DSCAM: variants seen among roughly 807,000 people sequenced by gnomAD.
DSCAM encodes cell adhesion molecule DSCAM.
A neutral mutation model predicts 217.7 loss-of-function variants in DSCAM; 47 were observed. The observed-to-expected ratio is 0.22, with a 90% CI of 0.17 to 0.28. The LOEUF (loss-of-function observed/expected upper bound fraction) is 0.28, where lower values mean the gene tolerates loss of function less well. DSCAM is among the 10% of genes least tolerant of loss of function. DSCAM has a pLI of 1.00. For missense variants in DSCAM, 2,080 were observed against 2,618.3 expected, an observed-to-expected ratio of 0.79 and a Z score of 4.49; for synonymous variants, 1,056 against 1,015.3, an observed-to-expected ratio of 1.04 and a Z score of -0.76.
At chr21:40,576,495 G>A (rs1385100362) in intron 3 of DSCAM, among the ~76,000 whole-genome samples, 1 of 152,100 alleles carries the variant, frequency 6.6e-6, no homozygotes, top group African/African-American at 2.4e-5. Flanking sequence ...GTCAACTTGG[G>A]TGTCTTCCAA....
chr21:40,493,320 A>G (rs763697361), intron 3 of DSCAM, among the ~76,000 whole-genome samples: 137 of 152,332 alleles, frequency 9.0e-4, no homozygotes, highest in Non-Finnish European at 1.5e-3. Flanking sequence ...CCCTTTTACA[A>G]GAAACACTAA....
intron 9 of DSCAM, among the ~76,000 whole-genome samples, chr21:40,309,864 C>T (rs2074118875): frequency 6.6e-6 from 1 of 152,148 alleles, no homozygotes; most frequent in Non-Finnish European, 1.5e-5. Flanking sequence ...CTTTCTAGCC[C>T]AGTCCATTCT....
chr21:40,360,377 G>A (rs978763226), intron 4 of DSCAM, among the ~76,000 whole-genome samples: 21 of 151,872 alleles, frequency 1.4e-4, no homozygotes, highest in Admixed American at 5.9e-4. Context: ...CTTGTGATCC[G>A]CCCATCTAGG....
intron 9 of DSCAM, among the ~76,000 whole-genome samples, chr21:40,303,729 A>G (rs1389978955): frequency 2.0e-5 from 3 of 152,198 alleles, no homozygotes; most frequent in African/African-American, 7.2e-5. Flanking sequence ...TTCTATCAAA[A>G]ATTGGATCAA....
At chr21:40,473,286 G>A (rs1422249619) in intron 3 of DSCAM, among the ~76,000 whole-genome samples, 2 of 152,296 alleles carry the variant, frequency 1.3e-5, no homozygotes, top group East Asian at 3.9e-4. Flanking sequence ...ACCTAGAGGT[G>A]GTTAAGGTTA....
chr21:40,735,733 T>C (rs975737827), intron 1 of DSCAM, among the ~76,000 whole-genome samples: 4 of 152,364 alleles, frequency 2.6e-5, no homozygotes, highest in African/African-American at 9.6e-5. Flanking sequence ...GACAGAGTCA[T>C]GATTCAAACC....
chr21:40,326,347 C>A (rs188788083), intron 8 of DSCAM, among the ~76,000 whole-genome samples: 9 of 152,210 alleles, frequency 5.9e-5, no homozygotes, highest in African/African-American at 2.2e-4. Context: ...GTGGCACTCT[C>A]ATTCCCCTCT....
chr21:40,618,493 G>C (rs1294746962), intron 3 of DSCAM: 1 of 152,238 alleles, frequency 6.6e-6, no homozygotes, highest in African/African-American at 2.4e-5. Flanking sequence ...TTTCATGAGA[G>C]AGAAGCATGA....
intron 3 of DSCAM, among the ~76,000 whole-genome samples, chr21:40,433,905 C>T (rs1430931454): frequency 6.6e-6 from 1 of 152,200 alleles, no homozygotes; most frequent in Non-Finnish European, 1.5e-5. Context: ...GTGATTTCAC[C>T]TGAAGTGGAC....
intron 27 of DSCAM, among the ~76,000 whole-genome samples, chr21:40,070,249 G>A: frequency 7.1e-6 from 1 of 140,856 alleles, no homozygotes; most frequent in Admixed American, 7.0e-5. Context: ...AGGAAGGTAG[G>A]GAAGGAGGGA....
intron 6 of DSCAM, among the ~76,000 whole-genome samples, chr21:40,341,836 G>A (rs577582712): frequency 3.6e-4 from 54 of 151,880 alleles, no homozygotes; most frequent in Non-Finnish European, 6.5e-4. Flanking sequence ...CCTCGTCACT[G>A]TTTTTTTTCC....
chr21:40,200,575 C>T (rs548766548), intron 11 of DSCAM, among the ~76,000 whole-genome samples: 2 of 152,278 alleles, frequency 1.3e-5, no homozygotes, highest in South Asian at 4.1e-4. Context: ...GTGTTGCTTT[C>T]ACCTTTTGGC....
intron 3 of DSCAM, among the ~76,000 whole-genome samples, chr21:40,489,035 A>G: frequency 6.6e-6 from 1 of 152,208 alleles, no homozygotes; most frequent in Non-Finnish European, 1.5e-5. Flanking sequence ...ACCACAACAC[A>G]AAAGTAATGC....
Position 40,637,125 on chromosome 21 carries a change from AT to A in DSCAM, c.508+55684del, listed in dbSNP as rs1568953370. Among the ~76,000 whole-genome samples the A allele has an allele frequency of 1.0e-3, 91 of 88,906 alleles. 15 individuals are homozygous for A. Among genetic ancestry groups the A allele is most frequent in the Middle Eastern group, 0.011 (2 of 184 alleles). The allele number at this position is 88,906 out of a possible 152,430, so 58.3% of individuals were successfully genotyped here. ...TTCTCATTCATATATATATATATAT[AT>A]ATAAATATATAAATATATATATAAA... On this transcript the variant is annotated intron_variant, in intron 3 of 32. Transcript: ENST00000400454.
chr21:40,119,740 C>T (rs898050536), intron 20 of DSCAM, among the ~76,000 whole-genome samples: 1 of 151,110 alleles, frequency 6.6e-6, no homozygotes. Context: ...CTATATGCTA[C>T]AGTGACATGA....
At chr21:40,089,145 C>T (rs1342523324) in intron 21 of DSCAM, among the ~76,000 whole-genome samples, 1 of 152,194 alleles carries the variant, frequency 6.6e-6, no homozygotes, top group African/African-American at 2.4e-5. Flanking sequence ...TCAAGCCCAA[C>T]AACCCCCATG....
chr21:40,419,822 G>A (rs2075405881), intron 3 of DSCAM, among the ~76,000 whole-genome samples: 1 of 151,992 alleles, frequency 6.6e-6, no homozygotes, highest in Non-Finnish European at 1.5e-5. Flanking sequence ...TTGGAACAAG[G>A]AACTGACTAG....
At chr21:40,587,948 G>A (rs754652982) in intron 3 of DSCAM, among the ~76,000 whole-genome samples, 1 of 152,124 alleles carries the variant, frequency 6.6e-6, no homozygotes, top group Non-Finnish European at 1.5e-5. Context: ...GCTACTACTG[G>A]TGCACTGCTG....
chr21:40,447,048 C>A (rs1051851172), intron 3 of DSCAM, among the ~76,000 whole-genome samples: 6 of 152,160 alleles, frequency 3.9e-5, no homozygotes, highest in African/African-American at 7.2e-5. Flanking sequence ...TGTGCTTATT[C>A]TGTCATGCTC....
Sources: allele counts gnomAD v4.1 joint callset (sites outside exome capture counted in the v4.1 genomes callset), GRCh38; gene constraint gnomAD v4.1.1; transcripts MANE v1.5; gene names NCBI Gene and HGNC (gene_info 2026-07-23, HGNC 2026-07-21).